PRKCI: variants seen among roughly 807,000 people sequenced by gnomAD.
The protein encoded by PRKCI is protein kinase C iota.
PRKCI carries 43 observed loss-of-function variants against 84.0 expected under a neutral mutation model. The observed-to-expected ratio is 0.51, with a 90% CI of 0.40 to 0.66. PRKCI has a LOEUF of 0.66. Among genes scored for constraint, PRKCI ranks in the 30% least tolerant of loss-of-function variants. The probability of loss-of-function intolerance (pLI) is 0.00; values close to 1 mark genes in which losing one functional copy is unlikely to be tolerated. For missense variants in PRKCI, 459 were observed against 745.6 expected (o/e 0.62, Z 4.48); for synonymous variants, 216 against 234.4 (o/e 0.92, Z 0.72).
At chr3:170,288,245 CAA>C (rs564983474) in intron 12 of PRKCI, among the ~76,000 whole-genome samples, 7 of 127,678 alleles carry the variant, frequency 5.5e-5, no homozygotes, top group Admixed American at 1.6e-4. Context: ...GACTACGTCT[CAA>C]AAAAAAAAAA....
Position 170,295,952 on chromosome 3 carries a change from G to C in PRKCI, c.1459G>C (p.Val487Leu). ...AATTCGCATACCACGTTCTCTGTCT[G>C]TAAAAGCTGCAAGTGTTCTGAAGAG... ...KQIRIPRSLS[V>L]KAASVLKSFL... is the part of the protein sequence containing the mutation. The change falls in exon 15 of 18, where the codon GTA becomes CTA. Residue 487 changes from valine (V) to leucine (L), a missense_variant. Coordinates refer to ENST00000295797, the MANE Select transcript of PRKCI (RefSeq NM_002740.6). The C allele has an allele frequency of 6.4e-7, 1 of 1,572,354 alleles. No individual in the cohort carries two copies.
intron 15 of PRKCI, among the ~76,000 whole-genome samples, chr3:170,297,071 T>C (rs1734702262): frequency 6.6e-6 from 1 of 152,222 alleles, no homozygotes; most frequent in Admixed American, 6.5e-5. Context: ...TAGCAAGGAA[T>C]TGGTGATGAT....
chr3:170,226,035 C>A (rs1169976059), intron 1 of PRKCI, among the ~76,000 whole-genome samples: 1 of 151,996 alleles, frequency 6.6e-6, no homozygotes, highest in Non-Finnish European at 1.5e-5. Flanking sequence ...GCGGCTGCCT[C>A]CCGAGTAGGT....
chr3:170,240,504 G>A (rs1355291195), intron 2 of PRKCI, among the ~76,000 whole-genome samples: 1 of 152,048 alleles, frequency 6.6e-6, no homozygotes, highest in East Asian at 1.9e-4. Flanking sequence ...ATTCCCATGC[G>A]ATCCTTCTCA....
chr3:170,253,889 G>C (rs1733516297), intron 2 of PRKCI, among the ~76,000 whole-genome samples: 1 of 151,998 alleles, frequency 6.6e-6, no homozygotes, highest in Admixed American at 6.6e-5. Context: ...TTGAGGTCAG[G>C]AGTTCCAGAC....
At chr3:170,287,372 T>C (rs1179267120) in intron 12 of PRKCI, among the ~76,000 whole-genome samples, 1 of 151,806 alleles carries the variant, frequency 6.6e-6, no homozygotes. Context: ...TATATATGTA[T>C]ATACATAATG....
intron 5 of PRKCI, among the ~76,000 whole-genome samples, chr3:170,269,575 C>T (rs931760865): frequency 2.6e-5 from 4 of 152,090 alleles, no homozygotes; most frequent in Non-Finnish European, 4.4e-5. Context: ...GAGCCCAGGA[C>T]GTTGAGGCTG....
chr3:170,224,815 C>T (rs939976295), intron 1 of PRKCI, among the ~76,000 whole-genome samples: 2 of 152,146 alleles, frequency 1.3e-5, no homozygotes, highest in Non-Finnish European at 2.9e-5. Flanking sequence ...TGAGCCACTG[C>T]GCCTGGCCCT....
Position 170,273,343 on chromosome 3 carries a change from A to G in PRKCI, c.646+3A>G. On this transcript the variant is annotated splice_donor_region_variant and intron_variant, in intron 7 of 17. Coordinates refer to ENST00000295797, the MANE Select transcript of PRKCI (RefSeq NM_002740.6). ...GCATTCTGACCATGCACAGACAGGTAAGAGTGGTGCTGGCACAACCCATTG... is the reference window on the plus strand; with the variant it reads ...GCATTCTGACCATGCACAGACAGGTGAGAGTGGTGCTGGCACAACCCATTG... 2 of 1,613,196 alleles carry G rather than the reference A, an allele frequency of 1.2e-6. No homozygotes were observed. The highest frequency in any genetic ancestry group is 1.7e-6 in the Non-Finnish European group (2 of 1,179,222).
intron 3 of PRKCI, among the ~76,000 whole-genome samples, chr3:170,263,096 G>A (rs1733773635): frequency 6.6e-6 from 1 of 151,280 alleles, no homozygotes; most frequent in African/African-American, 2.4e-5. Context: ...GTGAACCCGG[G>A]AGGCGGAGCT....
chr3:170,277,876 AT>A (rs1181882252), intron 8 of PRKCI, among the ~76,000 whole-genome samples: 2 of 151,872 alleles, frequency 1.3e-5, no homozygotes, highest in Non-Finnish European at 2.9e-5. Flanking sequence ...CCTTATGTAG[AT>A]TTACCCACAT....
intron 6 of PRKCI, among the ~76,000 whole-genome samples, chr3:170,271,794 G>A (rs1421676910): frequency 6.6e-6 from 1 of 151,986 alleles, no homozygotes; most frequent in East Asian, 1.9e-4. Context: ...CTTTACAGAG[G>A]GTTGTTTATC....
At chr3:170,292,981 C>T (rs1019538151) in intron 13 of PRKCI, among the ~76,000 whole-genome samples, 4 of 148,456 alleles carry the variant, frequency 2.7e-5, no homozygotes, top group African/African-American at 7.5e-5. Flanking sequence ...GTGGAGCTTG[C>T]AGTGAGCCGA....
At position 170,281,376 on chromosome 3, in the gene PRKCI, G is replaced by C. The variant is rs988843766; in HGVS notation, c.980+113G>C. On this transcript the variant is annotated intron_variant, in intron 10 of 17. Transcript: ENST00000295797. ...AGTTGATATCATGGAGGATGCAACA[G>C]TGTTAGGCTTATAACTTCCTGCTAA... The C allele has an allele frequency of 1.0e-5, 8 of 779,670 alleles. No individual in the cohort carries two copies. In the Admixed American group the frequency reaches 1.6e-4, roughly 16 times the overall value. 48.3% of individuals were successfully genotyped at this position (779,670 alleles called of 1,614,324 possible).
At chr3:170,261,539 A>C (rs1733728655) in intron 3 of PRKCI, among the ~76,000 whole-genome samples, 1 of 151,394 alleles carries the variant, frequency 6.6e-6, no homozygotes, top group Non-Finnish European at 1.5e-5. Context: ...GCTAGAGGGC[A>C]GTGGCACAGT....
chr3:170,227,652 G>A (rs1022532210), intron 1 of PRKCI, among the ~76,000 whole-genome samples: 1 of 152,190 alleles, frequency 6.6e-6, no homozygotes, highest in Admixed American at 6.5e-5. Flanking sequence ...TCCTTATTAG[G>A]ATATAAAGTA....
chr3:170,245,945 C>CTTTGTTTTTTTTGTTTG (rs1553837879), intron 2 of PRKCI, among the ~76,000 whole-genome samples: 14 of 95,180 alleles, frequency 1.5e-4, no homozygotes, highest in East Asian at 2.9e-4. Flanking sequence ...GATGTTATGT[C>CTTTGTTTTTTTTGTTTG]TTTGTTTTTT....
chr3:170,260,061 A>G lies in PRKCI; in HGVS notation c.313+3A>G. ...GGATTCTGAACTCTTGATTCATGGT[A>G]AGAGAGTAGTCATTTCATACTCGTC... is the stretch of plus-strand genomic sequence containing the variant. On this transcript the variant is annotated splice_donor_region_variant and intron_variant, in intron 3 of 17. Transcript: ENST00000295797. The G allele has an allele frequency of 6.3e-7, 1 of 1,584,682 alleles. No homozygotes were observed. The highest frequency in any genetic ancestry group is 1.1e-5 in the South Asian group (1 of 89,108).
At position 170,270,468 on chromosome 3, in the gene PRKCI, C is replaced by T. The variant is rs1214999505; in HGVS notation, c.498C>T (p.Arg166=). 1 of 1,613,550 alleles carries T rather than the reference C, an allele frequency of 6.2e-7. No individual in the cohort carries two copies. Among genetic ancestry groups the T allele is most frequent in the Admixed American group, 1.7e-5 (1 of 59,972 alleles). ...ICTDRIWGLG[R]QGYKCINCKL... is the part of the protein sequence containing the mutation. ...CAGACCGAATATGGGGACTTGGACG[C>T]CAAGGATATAAGTGCATCAACTGCA... The change falls in exon 6 of 18, where the codon CGC becomes CGT. Residue 166 remains arginine, a synonymous_variant. Coordinates refer to ENST00000295797, the MANE Select transcript of PRKCI (RefSeq NM_002740.6).
Sources: allele counts gnomAD v4.1 joint callset (sites outside exome capture counted in the v4.1 genomes callset), GRCh38; gene constraint gnomAD v4.1.1; transcripts MANE v1.5; gene names NCBI Gene and HGNC (gene_info 2026-07-23, HGNC 2026-07-21).